The following ESRRG variants were observed in gnomAD, a reference collection of about 807,000 sequenced individuals.
The protein encoded by ESRRG is estrogen related receptor gamma.
ESRRG carries 13 observed loss-of-function variants against 44.0 expected under a neutral mutation model. The ratio of observed to expected loss-of-function variants is 0.30; its 90% CI spans 0.19 to 0.47. The LOEUF is 0.47. ESRRG is among the 20% of genes least tolerant of loss of function. ESRRG has a pLI of 1.00. For missense variants in ESRRG, 395 were observed against 580.6 expected (o/e 0.68, Z 3.29); for synonymous variants, 215 against 214.6 (o/e 1.00, Z -0.02).
chr1:216,954,348 A>G (rs2067545144), intron 1 of ESRRG, among the ~76,000 whole-genome samples: 1 of 152,146 alleles, frequency 6.6e-6, no homozygotes, highest in Non-Finnish European at 1.5e-5. Flanking sequence ...AAAGCTCTGT[A>G]AAGATACTCA....
intron 1 of ESRRG, among the ~76,000 whole-genome samples, chr1:216,977,958 A>G (rs1487713270): frequency 7.2e-5 from 11 of 151,940 alleles, no homozygotes; most frequent in Non-Finnish European, 1.5e-4. Flanking sequence ...TCTCCCTTCC[A>G]CCATGGGATG....
chr1:217,097,979 C>T (rs955953551), intron 1 of ESRRG, among the ~76,000 whole-genome samples: 5 of 151,998 alleles, frequency 3.3e-5, no homozygotes, highest in African/African-American at 1.2e-4. Context: ...ATTAGTCAAA[C>T]ATCTGAGGGT....
intron 1 of ESRRG, among the ~76,000 whole-genome samples, chr1:217,059,912 AAGACT>A (rs1465316510): frequency 6.6e-6 from 1 of 152,068 alleles, no homozygotes; most frequent in East Asian, 1.9e-4. Context: ...TTAAATGGGA[AAGACT>A]AGACTAGAGT....
chr1:216,792,429 A>G (rs949479830), intron 2 of ESRRG, among the ~76,000 whole-genome samples: 1 of 152,112 alleles, frequency 6.6e-6, no homozygotes, highest in Non-Finnish European at 1.5e-5. Context: ...GGGGAAGGCC[A>G]GGGGAGACAA....
intron 3 of ESRRG, among the ~76,000 whole-genome samples, chr1:216,586,197 C>T (rs1279614137): frequency 6.6e-6 from 1 of 151,898 alleles, no homozygotes; most frequent in South Asian, 2.1e-4. Context: ...ACTTTTCCAC[C>T]CTCCAGTATT....
chr1:216,649,769 C>T (rs2151035421), intron 3 of ESRRG, among the ~76,000 whole-genome samples: 1 of 151,996 alleles, frequency 6.6e-6, no homozygotes, highest in East Asian at 1.9e-4. Flanking sequence ...AATGTGAATT[C>T]CATATATCCA....
chr1:216,948,478 A>C (rs1347326728), intron 1 of ESRRG, among the ~76,000 whole-genome samples: 1 of 3,110 alleles, frequency 3.2e-4, no homozygotes, highest in Non-Finnish European at 4.8e-4. Flanking sequence ...CTCCATCTCA[A>C]AAAAAAAAAA....
intron 2 of ESRRG, among the ~76,000 whole-genome samples, chr1:216,756,268 T>A (rs1215282192): frequency 2.6e-5 from 4 of 151,906 alleles, no homozygotes; most frequent in Non-Finnish European, 5.9e-5. Flanking sequence ...AATATTAGGG[T>A]TTTTTCTCTT....
chr1:217,129,173 G>T (rs72743333), intron 1 of ESRRG, among the ~76,000 whole-genome samples: 12,100 of 152,154 alleles, frequency 0.08, 607 homozygotes, highest in Non-Finnish European at 0.12. Flanking sequence ...TTTAAAAATC[G>T]TCAAGACTCT....
chr1:216,908,919 A>C (rs1309346142), intron 2 of ESRRG, among the ~76,000 whole-genome samples: 1 of 152,060 alleles, frequency 6.6e-6, no homozygotes, highest in African/African-American at 2.4e-5. Flanking sequence ...CAATATTAAA[A>C]CATATTTTAT....
At chr1:216,661,983 G>T (rs1245008576) in intron 2 of ESRRG, among the ~76,000 whole-genome samples, 3 of 152,070 alleles carry the variant, frequency 2.0e-5, no homozygotes, top group African/African-American at 7.2e-5. Flanking sequence ...CTTAAATTTG[G>T]AGTTACCTTC....
At chr1:217,042,399 G>A (rs189798239) in intron 1 of ESRRG, among the ~76,000 whole-genome samples, 216 of 151,916 alleles carry the variant, frequency 1.4e-3, no homozygotes, top group African/African-American at 5.0e-3. Flanking sequence ...GGCACAGAGT[G>A]TTGGCTGTTT....
intron 2 of ESRRG, among the ~76,000 whole-genome samples, chr1:216,897,067 GAGTTTA>G (rs1028148010): frequency 1.4e-4 from 21 of 152,168 alleles, no homozygotes; most frequent in African/African-American, 4.6e-4. Context: ...GAGATGAGAA[GAGTTTA>G]AGTTTGTCTT....
rs139404800 is a variant in ESRRG at position 217,132,416 on chromosome 1, C to T, written c.-230+5251G>A. On this transcript the variant is annotated intron_variant, in intron 1 of 8. Coordinates refer to the ESRRG transcript ENST00000366940. ...AGCCATGCTGGTAGAGAAGGAAGGA[C>T]GGTGGCTGAGGAATTGCAAGTGGGA... is the stretch of plus-strand genomic sequence containing the variant. Among the ~76,000 whole-genome samples the T allele has an allele frequency of 8.4e-3, 1,283 of 152,224 alleles. 10 individuals carry two copies. The highest frequency in any genetic ancestry group is 0.012 in the Non-Finnish European group (801 of 68,030).
At chr1:216,789,004 G>A (rs1433281092) in intron 2 of ESRRG, among the ~76,000 whole-genome samples, 8 of 152,082 alleles carry the variant, frequency 5.3e-5, no homozygotes, top group African/African-American at 1.7e-4. Context: ...TGCTTCTTAC[G>A]GATGAGTGGT....
Position 217,128,902 on chromosome 1 carries a change from G to A in ESRRG, c.-230+8765C>T, listed in dbSNP as rs192543427. On this transcript the variant is annotated intron_variant, in intron 1 of 8. Coordinates refer to the ESRRG transcript ENST00000366940. ...AATAACTACTGCTATCTCCTCAGGC[G>A]GAGGTAGGAGGATCACTTAAGCCCA... Among the ~76,000 whole-genome samples, 410 of 152,180 alleles carry A rather than the reference G, an allele frequency of 2.7e-3. 1 individual carries two copies. The highest frequency in any genetic ancestry group is 6.2e-3 in the African/African-American group (257 of 41,530).
At chr1:217,116,771 T>C (rs574943612) in intron 1 of ESRRG, among the ~76,000 whole-genome samples, 1 of 152,322 alleles carries the variant, frequency 6.6e-6, no homozygotes, top group South Asian at 2.1e-4. Flanking sequence ...ACCTTCCTCA[T>C]TGATGACTCT....
intron 3 of ESRRG, among the ~76,000 whole-genome samples, chr1:216,621,900 C>T (rs1367281113): frequency 6.6e-6 from 1 of 152,098 alleles, no homozygotes; most frequent in Non-Finnish European, 1.5e-5. Context: ...GATGAGGGCC[C>T]TCATTGTTTG....
chr1:216,983,367 G>C (rs561424810), intron 1 of ESRRG, among the ~76,000 whole-genome samples: 1 of 151,960 alleles, frequency 6.6e-6, no homozygotes, highest in Admixed American at 6.6e-5. Context: ...TAATAGCTAG[G>C]ACTATAGGCA....
Sources: gnomAD v4.1 joint callset for allele counts (sites outside exome capture counted in the v4.1 genomes callset) on GRCh38, gnomAD v4.1.1 for gene constraint, MANE v1.5 for transcripts, NCBI Gene and HGNC (gene_info 2026-07-23, HGNC 2026-07-21) for gene names.